The following PJA2 variants were observed in gnomAD, a reference collection of about 807,000 sequenced individuals.
PJA2 encodes the protein praja ring finger ubiquitin ligase 2, also known as E3 ubiquitin-protein ligase Praja-2.
In PJA2, 25 loss-of-function variants were observed where a neutral mutation model predicts 69.3. That is an observed-to-expected ratio of 0.36 (90% CI 0.26 to 0.50). The LOEUF (loss-of-function observed/expected upper bound fraction) is 0.50. Ranked by LOEUF, PJA2 falls within the 20% of genes least tolerant of loss-of-function variation. The pLI is 0.96. For missense variants in PJA2, 809 were observed against 830.2 expected, an observed-to-expected ratio of 0.97 and a Z score of 0.31; for synonymous variants, 308 against 277.8, an observed-to-expected ratio of 1.11 and a Z score of -1.08.
chr5:109,386,130 AAAAAGTTTCAGATTTTGGAACAT>A (rs1410761350), intron 1 of PJA2, among the ~76,000 whole-genome samples: 44 of 152,292 alleles, frequency 2.9e-4, no homozygotes, highest in Middle Eastern at 3.4e-3. Flanking sequence ...CAAAAAAAAA[AAAAAGTTTCAGATTTTGGAACAT>A]TTTTCAAATG....
chr5:109,352,449 G>C (rs574548777), intron 7 of PJA2, among the ~76,000 whole-genome samples: 46 of 152,206 alleles, frequency 3.0e-4, no homozygotes, highest in Non-Finnish European at 8.8e-5. Flanking sequence ...CGAAATGAGT[G>C]ATCCTTAATC....
Position 109,336,343 on chromosome 5 carries a change from GT to G in PJA2, c.*887del, listed in dbSNP as rs1761939083. ...TAATTACAAAGATGACCCTGTGCAA[GT>G]TTTCAGACCTTCCAAAATACTGTAG... is the stretch of plus-strand genomic sequence containing the variant. On this transcript the variant is annotated 3_prime_UTR_variant, in exon 10 of 10. Transcript: ENST00000361189. The G allele has an allele frequency of 6.6e-6, 1 of 152,116 alleles. No homozygotes were observed. The highest frequency in any genetic ancestry group is 2.1e-4 in the South Asian group (1 of 4,830). The allele number at this position is 152,116 out of a possible 1,614,324, so 9.4% of individuals were successfully genotyped here.
chr5:109,338,632 G>A (rs405299), intron 9 of PJA2, among the ~76,000 whole-genome samples: 63,180 of 126,252 alleles, frequency 0.5, 16,271 homozygotes, highest in East Asian at 0.95. Flanking sequence ...GTGAAACTCC[G>A]TCTCAAAAAA....
Position 109,368,675 on chromosome 5 carries a change from G to C in PJA2, c.1355C>G (p.Ser452Cys), listed in dbSNP as rs548487948. The C allele has an allele frequency of 1.2e-6, 2 of 1,614,110 alleles. No individual in the cohort carries two copies. Among genetic ancestry groups the C allele is most frequent in the African/African-American group, 2.7e-5 (2 of 75,038 alleles). The change falls in exon 5 of 10, where the codon TCC (serine) becomes TGC (cysteine). Residue 452 changes from serine (S) to cysteine (C), a missense_variant. By Grantham distance (112) the Ser-to-Cys change is moderately radical (BLOSUM62 -1). Transcript: ENST00000361189. ...HRFSGTEKDQ[S>C]SSDESWETLP... Reference sequence around the variant, plus strand: ...AGTCTCCCAGCTTTCATCACTTGAGGATTGATCTTTTTCTGTACCAGAAAA... The same window carrying C: ...AGTCTCCCAGCTTTCATCACTTGAGCATTGATCTTTTTCTGTACCAGAAAA...
chr5:109,404,499 G>T (rs1747636565), intron 1 of PJA2, among the ~76,000 whole-genome samples: 1 of 151,920 alleles, frequency 6.6e-6, no homozygotes, highest in Non-Finnish European at 1.5e-5. Flanking sequence ...CTAGCCGACA[G>T]AGCAAGACTC....
At chr5:109,337,822 A>AAT (rs1226693963) in intron 9 of PJA2, among the ~76,000 whole-genome samples, 3 of 152,100 alleles carry the variant, frequency 2.0e-5, no homozygotes, top group Non-Finnish European at 2.9e-5. Context: ...TGTGAATTAA[A>AAT]GAAGGTCTAC....
At chr5:109,366,407 A>G (rs1451112699) in intron 5 of PJA2, among the ~76,000 whole-genome samples, 2 of 152,220 alleles carry the variant, frequency 1.3e-5, no homozygotes, top group African/African-American at 4.8e-5. Context: ...GGCTTCTTAA[A>G]TTACCAACAT....
chr5:109,378,644 A>C lies in PJA2; in HGVS notation c.843T>G (p.His281Gln). 1 of 1,614,164 alleles carries C rather than the reference A, an allele frequency of 6.2e-7. No individual in the cohort carries two copies. The highest frequency in any genetic ancestry group is 1.3e-5 in the African/African-American group (1 of 75,058). The change falls in exon 4 of 10, where the codon CAT (histidine) becomes CAG (glutamine). Residue 281 changes from histidine to glutamine, a missense_variant. Coordinates refer to ENST00000361189, the MANE Select transcript of PJA2 (RefSeq NM_014819.5). ...GACCACAGGCTGCATCTTCAGGTGAATGTTCTGTCTGTCTTTCCTGGCTAG... is the reference window on the plus strand; with the variant it reads ...GACCACAGGCTGCATCTTCAGGTGACTGTTCTGTCTGTCTTTCCTGGCTAG... ...NNTSQERQTE[H>Q]SPEDAACGPG...
chr5:109,376,743 CA>C (rs1330562436), intron 4 of PJA2, among the ~76,000 whole-genome samples: 1 of 151,966 alleles, frequency 6.6e-6, no homozygotes, highest in African/African-American at 2.4e-5. Context: ...TAGAGACTTG[CA>C]ATCTATTTCA....
intron 1 of PJA2, among the ~76,000 whole-genome samples, chr5:109,403,319 A>C (rs73779505): frequency 0.015 from 2,340 of 152,254 alleles, 61 homozygotes; most frequent in African/African-American, 0.053. Context: ...GAAAGCTTTC[A>C]AGAAGAAATA....
chr5:109,392,241 A>T (rs1380344696), intron 1 of PJA2, among the ~76,000 whole-genome samples: 1 of 152,100 alleles, frequency 6.6e-6, no homozygotes, highest in Non-Finnish European at 1.5e-5. Flanking sequence ...TAGGCAGACA[A>T]ATGTATCAAT....
chr5:109,389,601 T>A (rs1747236660), intron 1 of PJA2, among the ~76,000 whole-genome samples: 1 of 152,052 alleles, frequency 6.6e-6, no homozygotes, highest in African/African-American at 2.4e-5. Flanking sequence ...TGTAAAACTT[T>A]CCTGTTTCAT....
chr5:109,374,566 C>T (rs1268780931), intron 4 of PJA2, among the ~76,000 whole-genome samples: 1 of 152,170 alleles, frequency 6.6e-6, no homozygotes, highest in Non-Finnish European at 1.5e-5. Flanking sequence ...AACAGGGCAC[C>T]TGGAACAAAG....
Position 109,354,126 on chromosome 5 carries a change from A to G in PJA2, c.1764+1789T>C, listed in dbSNP as rs1415726401. ...TATCTATAGATTAGATATCTATGGT[A>G]TCTAGAGCTGTCTATAGATTAGATA... On this transcript the variant is annotated intron_variant, in intron 7 of 9. Transcript: ENST00000361189. Among the ~76,000 whole-genome samples the G allele has an allele frequency of 7.2e-4, 82 of 114,580 alleles. 7 individuals carry two copies. Among genetic ancestry groups the G allele is most frequent in the Non-Finnish European group, 7.8e-4 (41 of 52,446 alleles). 75.2% of individuals were successfully genotyped at this position (114,580 alleles called of 152,430 possible). A position where few individuals can be genotyped will look rare whatever the true frequency, so the allele number is the denominator to read the frequency against.
intron 1 of PJA2, among the ~76,000 whole-genome samples, chr5:109,404,817 T>G (rs998892313): frequency 3.3e-5 from 5 of 152,200 alleles, no homozygotes; most frequent in Non-Finnish European, 1.5e-5. Context: ...GACATAAGCA[T>G]TCAAGCTATA....
chr5:109,360,295 G>A (rs1341790895), intron 6 of PJA2, among the ~76,000 whole-genome samples: 4 of 152,126 alleles, frequency 2.6e-5, no homozygotes, highest in Non-Finnish European at 5.9e-5. Context: ...TGATCTCTCT[G>A]TGTCACTTCC....
At chr5:109,346,067 G>A (rs1475899007) in intron 7 of PJA2, among the ~76,000 whole-genome samples, 1 of 152,194 alleles carries the variant, frequency 6.6e-6, no homozygotes, top group Non-Finnish European at 1.5e-5. Flanking sequence ...CTCTGGGACT[G>A]CATAAGTCCT....
At chr5:109,369,077 C>T (rs776881505) in intron 4 of PJA2, among the ~76,000 whole-genome samples, 2 of 152,152 alleles carry the variant, frequency 1.3e-5, no homozygotes, top group Non-Finnish European at 2.9e-5. Flanking sequence ...CTCTGCATTC[C>T]ACCATGATTG....
At chr5:109,407,004 AGAT>A (rs758030847) in intron 1 of PJA2, among the ~76,000 whole-genome samples, 3 of 152,212 alleles carry the variant, frequency 2.0e-5, no homozygotes, top group Non-Finnish European at 4.4e-5. Flanking sequence ...AGCAAGAAAA[AGAT>A]GATAAGTGCT....
Sources: allele counts gnomAD v4.1 joint callset (sites outside exome capture counted in the v4.1 genomes callset), GRCh38; gene constraint gnomAD v4.1.1; transcripts MANE v1.5; gene names NCBI Gene and HGNC (gene_info 2026-07-23, HGNC 2026-07-21).